Variants in DLEC1 observed in about 807,000 individuals in gnomAD.
DLEC1 encodes deleted in lung and esophageal cancer protein 1.
Under a neutral mutation model 198.1 loss-of-function variants are expected in DLEC1, and 146 were observed. That is an observed-to-expected ratio of 0.74 (90% CI 0.64 to 0.85). The LOEUF is 0.85. DLEC1 is among the 40% of genes least tolerant of loss of function. The pLI is 0.00. For missense variants in DLEC1, 2,233 were observed against 2,220.0 expected (o/e 1.01, Z -0.12); for synonymous variants, 897 against 866.8 (o/e 1.03, Z -0.61).
chr3:38,109,740 C>A, intron 22 of DLEC1, 178 bp downstream of exon 22: 1 of 1,073,082 alleles, frequency 9.3e-7, no homozygotes, highest in Non-Finnish European at 1.3e-6. Context: ...CCCTTTACCC[C>A]ATCCCTGCCC....
In DLEC1 at chr3:38,121,793, C is replaced by G; in HGVS notation, c.5020+12C>G. 1.9e-6 allele frequency: 3 copies of G among 1,613,216 alleles called. No individual in the cohort carries two copies. Among genetic ancestry groups the G allele is most frequent in the Non-Finnish European group, 2.5e-6 (3 of 1,179,354 alleles). On this transcript the variant is annotated intron_variant, in intron 35 of 36. Coordinates refer to ENST00000308059, the MANE Select transcript of DLEC1 (RefSeq NM_007335.4). ...GACTATGCTGATGGGTATGTCCTAC[C>G]CTGCCACCTACCCACCGTTCCCCTA...
In DLEC1 at chr3:38,062,735, C is replaced by G. The variant is rs910131861; in HGVS notation, c.1028C>G (p.Ser343Cys). Residue 343 changes from serine (S) to cysteine (C), a missense_variant, in exon 5 of 37, where the codon TCT becomes TGT. Transcript: ENST00000308059. The part of the protein sequence containing the change: ...FPPNTRYGGK[S>C]LVFPPKKPAP... Reference sequence around the variant, plus strand: ...CCTAACACTCGATATGGAGGCAAGTCTCTTGTTTTTCCTCCAAAGAAGCCA... The same window carrying G: ...CCTAACACTCGATATGGAGGCAAGTGTCTTGTTTTTCCTCCAAAGAAGCCA... 7 of 1,614,060 alleles carry G rather than the reference C, an allele frequency of 4.3e-6. No individual in the cohort carries two copies. The highest frequency in any genetic ancestry group is 1.3e-5 in the African/African-American group (1 of 75,004).
At chr3:38,102,270 T>A (rs1699344970) in intron 19 of DLEC1, among the ~76,000 whole-genome samples, 1 of 152,188 alleles carries the variant, frequency 6.6e-6, no homozygotes, top group Non-Finnish European at 1.5e-5. Flanking sequence ...AGAGCCAATC[T>A]GGCTCTTTGC....
intron 22 of DLEC1, 31 bp from the exon 23 acceptor site, chr3:38,110,068 A>G (rs768809145): frequency 2.5e-6 from 4 of 1,610,784 alleles, no homozygotes; most frequent in Non-Finnish European, 3.4e-6. Flanking sequence ...TGTGTTACAT[A>G]GTACCAATGG....
chr3:38,053,955 C>A (rs1042308877), intron 2 of DLEC1, among the ~76,000 whole-genome samples: 1 of 152,058 alleles, frequency 6.6e-6, no homozygotes, highest in African/African-American at 2.4e-5. Context: ...GGATTAAGGG[C>A]GGTGCAAGAT....
rs1471466324 is a variant in DLEC1, at chr3:38,109,430, AG to A, written c.3130del. The A allele has an allele frequency of 1.2e-6, 2 of 1,614,124 alleles. No individual in the cohort carries two copies. The highest frequency in any genetic ancestry group is 8.5e-7 in the Non-Finnish European group (1 of 1,179,978). On this transcript the variant is annotated splice_acceptor_variant, in intron 21 of 36. Coordinates refer to ENST00000308059, the MANE Select transcript of DLEC1 (RefSeq NM_007335.4). LOFTEE classifies it high-confidence loss of function. ...CTGACCCCTGGATGGGCTTTCTTAT[AG>A]GAAGAGCTGACCCATCTGGCCCTCC...
chr3:38,062,826 C>G, intron 5 of DLEC1, 25 bp downstream of exon 5: 2 of 1,609,156 alleles, frequency 1.2e-6, no homozygotes, highest in Non-Finnish European at 1.7e-6. Flanking sequence ...GGCTTGAACT[C>G]TCAGAAAACC....
At chr3:38,080,407 C>T (rs544756078) in intron 6 of DLEC1, among the ~76,000 whole-genome samples, 137 of 151,814 alleles carry the variant, frequency 9.0e-4, no homozygotes, top group Non-Finnish European at 1.3e-3. Flanking sequence ...AGGGGACAGG[C>T]GGGAGGGAAA....
chr3:38,108,799 C>T (rs948564372), intron 21 of DLEC1, among the ~76,000 whole-genome samples: 4 of 152,196 alleles, frequency 2.6e-5, no homozygotes, highest in Non-Finnish European at 5.9e-5. Context: ...TCTCTGTGGC[C>T]GCAGGTGGGC....
intron 26 of DLEC1, among the ~76,000 whole-genome samples, 189 bp from the exon 27 acceptor site, chr3:38,114,794 G>A (rs1057367403): frequency 7.9e-5 from 12 of 152,308 alleles, no homozygotes; most frequent in African/African-American, 2.9e-4. Flanking sequence ...AGGGCACAGG[G>A]CAGCCCCAGA....
At chr3:38,105,942 A>G (rs1422784917) in intron 19 of DLEC1, among the ~76,000 whole-genome samples, 1 of 152,060 alleles carries the variant, frequency 6.6e-6, no homozygotes. Context: ...TACTTTTTAA[A>G]AAGTTATTTT....
intron 6 of DLEC1, among the ~76,000 whole-genome samples, chr3:38,076,837 C>T (rs532383075): frequency 2.6e-5 from 4 of 151,946 alleles, no homozygotes; most frequent in East Asian, 3.9e-4. Context: ...CGATAATGGG[C>T]GATGTTTCTC....
intron 36 of DLEC1, 47 bp from the exon 37 acceptor site, chr3:38,122,242 C>T (rs1346870574): frequency 6.2e-7 from 1 of 1,608,756 alleles, no homozygotes; most frequent in East Asian, 2.2e-5. Flanking sequence ...AGCCTGGACC[C>T]CCTGCCCAGG....
intron 6 of DLEC1, among the ~76,000 whole-genome samples, chr3:38,078,465 A>T (rs1444816066): frequency 2.6e-5 from 4 of 152,200 alleles, no homozygotes; most frequent in African/African-American, 9.7e-5. Flanking sequence ...CGACTGCACT[A>T]ACCATGCCTA....
intron 33 of DLEC1, among the ~76,000 whole-genome samples, chr3:38,119,242 C>T (rs1700333891): frequency 6.6e-6 from 1 of 152,172 alleles, no homozygotes. Context: ...GAATTATCTC[C>T]CAGGCTCTAG....
chr3:38,059,818 C>A lies in DLEC1; in HGVS notation c.639C>A (p.Tyr213Ter). The A allele has an allele frequency of 6.2e-7, 1 of 1,614,230 alleles. No individual in the cohort carries two copies. The highest frequency in any genetic ancestry group is 1.1e-5 in the South Asian group (1 of 91,090). ...ATTTGATCTCCCCAGAAGATTACTA[C>A]ACCGATACAGTGCCGTTTCACTCTG... ...KHHLISPEDY[Y>*]TDTVPFHSAP... is the part of the protein sequence containing the mutation. Residue 213 changes from tyrosine to a stop codon, truncating the protein, a stop_gained, in exon 3 of 37, where the codon TAC (tyrosine) becomes TAA (stop). Transcript: ENST00000308059. LOFTEE classifies it high-confidence loss of function.
chr3:38,065,478 T>A (rs137885127), intron 6 of DLEC1, among the ~76,000 whole-genome samples: 2 of 152,172 alleles, frequency 1.3e-5, no homozygotes, highest in Non-Finnish European at 2.9e-5. Flanking sequence ...CTATAACTAC[T>A]CCTCATGTGC....
At chr3:38,075,784 G>A (rs1343997879) in intron 6 of DLEC1, among the ~76,000 whole-genome samples, 7 of 152,032 alleles carry the variant, frequency 4.6e-5, no homozygotes, top group Admixed American at 1.3e-4. Flanking sequence ...CTAGAAAAGC[G>A]GGACTTGCCA....
At chr3:38,095,446 GA>G (rs1284466737) in intron 13 of DLEC1, 5 of 308,984 alleles carry the variant, frequency 1.6e-5, no homozygotes, top group Non-Finnish European at 3.1e-5. Context: ...CCCCAGCATG[GA>G]GGGAAGCCCT....
Sources: gnomAD v4.1 joint callset for allele counts (sites outside exome capture counted in the v4.1 genomes callset) on GRCh38, gnomAD v4.1.1 for gene constraint, MANE v1.5 for transcripts, NCBI Gene and HGNC (gene_info 2026-07-23, HGNC 2026-07-21) for gene names.